The following SEC11A variants were observed in gnomAD, a reference collection of about 807,000 sequenced individuals.
SEC11A encodes SEC11 homolog A, signal peptidase complex subunit.
A neutral mutation model predicts 25.6 loss-of-function variants in SEC11A; 14 were observed. The ratio of observed to expected loss-of-function variants is 0.55; its 90% confidence interval spans 0.36 to 0.85. SEC11A has a LOEUF of 0.85. Ranked by LOEUF, SEC11A falls within the 40% of genes least tolerant of loss-of-function variation. SEC11A has a pLI of 0.01. For missense variants in SEC11A, 153 were observed against 222.9 expected, an observed-to-expected ratio of 0.69 and a Z score of 2.00; for synonymous variants, 83 against 76.4, an observed-to-expected ratio of 1.09 and a Z score of -0.45.
intron 3 of SEC11A, among the ~76,000 whole-genome samples, chr15:84,687,120 C>G (rs1265285348): frequency 6.6e-6 from 1 of 152,202 alleles, no homozygotes; most frequent in Non-Finnish European, 1.5e-5. Flanking sequence ...GATCCACCCA[C>G]CTCGGCCTCC....
chr15:84,693,868 G>A (rs1208246169), intron 1 of SEC11A, among the ~76,000 whole-genome samples: 1 of 152,086 alleles, frequency 6.6e-6, no homozygotes, highest in Non-Finnish European at 1.5e-5. Flanking sequence ...GTAGTTAGGG[G>A]TGAATTCTCA....
rs577305352 is a variant in SEC11A, at chr15:84,716,111, G to A, written c.-36C>T. On this transcript the variant is annotated 5_prime_UTR_variant, in exon 1 of 6. Transcript: ENST00000268220. ...GCGAGCAGGACACCGGCAGGGGAAAGGGCGCGATGACCAGCGGGCGGAACT... is the reference window on the plus strand; with the variant it reads ...GCGAGCAGGACACCGGCAGGGGAAAAGGCGCGATGACCAGCGGGCGGAACT... 92 of 1,607,312 alleles carry A rather than the reference G, an allele frequency of 5.7e-5. No homozygotes were observed. In the East Asian group the frequency reaches 8.7e-4, roughly 15 times the overall value.
intron 4 of SEC11A, among the ~76,000 whole-genome samples, chr15:84,678,146 G>C (rs535384344): frequency 1.4e-4 from 22 of 152,098 alleles, no homozygotes; most frequent in Non-Finnish European, 2.6e-4. Context: ...GCAATAAGCT[G>C]AGATTGCTCC....
intron 4 of SEC11A, chr15:84,673,033 A>C (rs4280214): frequency 5.4e-6 from 1 of 185,038 alleles, no homozygotes; most frequent in South Asian, 7.8e-5. Context: ...CCCGGCAGCC[A>C]CCCCATCTGA....
chr15:84,713,076 C>T (rs1482158037), intron 1 of SEC11A, among the ~76,000 whole-genome samples: 2 of 151,818 alleles, frequency 1.3e-5, no homozygotes, highest in Non-Finnish European at 2.9e-5. Flanking sequence ...TGCCTGTAGT[C>T]CCAGCTACTT....
In SEC11A at chr15:84,716,136, T is replaced by C. The variant is rs553083699; in HGVS notation, c.-61A>G. On this transcript the variant is annotated 5_prime_UTR_variant, in exon 1 of 6. Coordinates refer to ENST00000268220, the MANE Select transcript of SEC11A (RefSeq NM_014300.4). ...GGGCGCGATGACCAGCGGGCGGAAC[T>C]ACTGGAGCTCGGGTCGGGCTCACAC... 19 of 1,524,534 alleles carry C rather than the reference T, an allele frequency of 1.2e-5. No individual in the cohort carries two copies. The highest frequency in any genetic ancestry group is 3.4e-5 in the Admixed American group (2 of 58,778). 94.4% of individuals were successfully genotyped at this position (1,524,534 alleles called of 1,614,324 possible). A position where few individuals can be genotyped will look rare whatever the true frequency, so the allele number is the denominator to read the frequency against.
intron 4 of SEC11A, among the ~76,000 whole-genome samples, chr15:84,676,295 T>A (rs1364617242): frequency 6.6e-6 from 1 of 151,908 alleles, no homozygotes; most frequent in Non-Finnish European, 1.5e-5. Context: ...TGAAACTCCA[T>A]CTCTACTAAA....
At chr15:84,683,772 T>C (rs1188949943) in intron 3 of SEC11A, among the ~76,000 whole-genome samples, 4 of 151,908 alleles carry the variant, frequency 2.6e-5, no homozygotes, top group African/African-American at 9.7e-5. Context: ...TGATCCGCCC[T>C]CCTCGGCCTC....
At chr15:84,707,912 C>T (rs1395520703) in intron 1 of SEC11A, among the ~76,000 whole-genome samples, 1 of 151,920 alleles carries the variant, frequency 6.6e-6, no homozygotes, top group Non-Finnish European at 1.5e-5. Context: ...TCTGGCTGTT[C>T]AAAAGAATAT....
At chr15:84,687,147 C>T (rs1897451484) in intron 3 of SEC11A, among the ~76,000 whole-genome samples, 1 of 152,110 alleles carries the variant, frequency 6.6e-6, no homozygotes, top group Admixed American at 6.5e-5. Context: ...GCTGGGATTA[C>T]AGGCGTGAGC....
intron 3 of SEC11A, among the ~76,000 whole-genome samples, chr15:84,683,807 G>A (rs1220994131): frequency 6.7e-6 from 1 of 148,566 alleles, no homozygotes; most frequent in African/African-American, 2.4e-5. Context: ...TAACAGGCCT[G>A]AGCCACCGCA....
chr15:84,702,685 A>G (rs1036003537), intron 1 of SEC11A, among the ~76,000 whole-genome samples: 4 of 152,126 alleles, frequency 2.6e-5, no homozygotes, highest in African/African-American at 9.7e-5. Context: ...CTTGATACCA[A>G]CTACCAAAAT....
chr15:84,687,954 C>A lies in SEC11A; in HGVS notation c.162-180G>T, dbSNP rs143204527. Among the ~76,000 whole-genome samples, 679 of 152,232 alleles carry A rather than the reference C, an allele frequency of 4.5e-3. 6 individuals carry two copies. Among genetic ancestry groups the A allele is most frequent in the Non-Finnish European group, 4.9e-3 (336 of 68,010 alleles). On this transcript the variant is annotated intron_variant, in intron 2 of 5. Coordinates refer to ENST00000268220, the MANE Select transcript of SEC11A (RefSeq NM_014300.4). ...ATGGTTTCCTCAGACTAAAAAGTTA[C>A]GCCAAAGGATTTTTTTTTAGTTATT...
chr15:84,684,300 A>G (rs1897356755), intron 3 of SEC11A, among the ~76,000 whole-genome samples: 1 of 152,190 alleles, frequency 6.6e-6, no homozygotes, highest in Non-Finnish European at 1.5e-5. Flanking sequence ...TAATTGAGTC[A>G]TGGGGGCAGG....
intron 4 of SEC11A, among the ~76,000 whole-genome samples, chr15:84,679,739 C>T (rs1350859227): frequency 6.6e-6 from 1 of 152,174 alleles, no homozygotes; most frequent in Non-Finnish European, 1.5e-5. Flanking sequence ...CATAACCTAA[C>T]TCATTTATGT....
intron 1 of SEC11A, among the ~76,000 whole-genome samples, chr15:84,711,516 GAAT>G (rs1898265953): frequency 6.6e-6 from 1 of 151,844 alleles, no homozygotes; most frequent in East Asian, 1.9e-4. Flanking sequence ...TAAAAAACTA[GAAT>G]AATAAATTAT....
rs567843335 is a variant in SEC11A, at chr15:84,705,716, G to A, written c.51+10309C>T. Reference sequence around the variant, plus strand: ...CTAAAAATACAAAAATTAGCCAGGCGTGGTGGTGTGCATCTGTAGTCCCAG... The same window carrying A: ...CTAAAAATACAAAAATTAGCCAGGCATGGTGGTGTGCATCTGTAGTCCCAG... On this transcript the variant is annotated intron_variant, in intron 1 of 5. Transcript: ENST00000268220. Among the ~76,000 whole-genome samples the A allele has an allele frequency of 6.0e-4, 91 of 151,758 alleles. No individual in the cohort carries two copies. The Middle Eastern group carries it at 0.02, about 34-fold the overall frequency.
At chr15:84,704,688 T>C (rs894466764) in intron 1 of SEC11A, among the ~76,000 whole-genome samples, 4 of 152,102 alleles carry the variant, frequency 2.6e-5, no homozygotes, top group African/African-American at 9.7e-5. Context: ...TCTGCCAAAT[T>C]TCTTAACCTT....
At chr15:84,683,024 T>C (rs554282742) in intron 3 of SEC11A, among the ~76,000 whole-genome samples, 1 of 151,692 alleles carries the variant, frequency 6.6e-6, no homozygotes, top group Non-Finnish European at 1.5e-5. Context: ...TTGGGAGGTG[T>C]TGCAAACACC....
Sources: gnomAD v4.1 joint callset for allele counts (sites outside exome capture counted in the v4.1 genomes callset) on GRCh38, gnomAD v4.1.1 for gene constraint, MANE v1.5 for transcripts, NCBI Gene and HGNC (gene_info 2026-07-23, HGNC 2026-07-21) for gene names.